Variants in CNTNAP3 observed in about 807,000 individuals in gnomAD.
The protein encoded by CNTNAP3 is contactin associated protein family member 3.
In CNTNAP3, 36 loss-of-function variants were observed where a neutral mutation model predicts 92.1. The observed-to-expected ratio is 0.39, with a 90% confidence interval of 0.30 to 0.52. The LOEUF is 0.52. Ranked by LOEUF, CNTNAP3 falls within the 20% of genes least tolerant of loss-of-function variation. The pLI, the probability that CNTNAP3 is intolerant of heterozygous loss-of-function variation, is 0.76. For missense variants in CNTNAP3, 534 were observed against 1,069.6 expected, an observed-to-expected ratio of 0.50 and a Z score of 6.98; for synonymous variants, 232 against 422.3, an observed-to-expected ratio of 0.55 and a Z score of 5.53.
intron 14 of CNTNAP3, among the ~76,000 whole-genome samples, chr9:39,112,589 C>A (rs1462786061): frequency 2.6e-5 from 4 of 152,154 alleles, no homozygotes; most frequent in African/African-American, 9.7e-5. Context: ...TGGTCTCGAA[C>A]TCCTGACTTC....
At chr9:39,150,044 A>C in intron 9 of CNTNAP3, 67 bp from the exon 10 acceptor site, 1 of 1,123,018 alleles carries the variant, frequency 8.9e-7, no homozygotes, top group Non-Finnish European at 1.3e-6. Flanking sequence ...AGTATTTACT[A>C]TATGAAGACT....
At chr9:39,091,171 C>CTTTTT (rs201329360) in intron 18 of CNTNAP3, among the ~76,000 whole-genome samples, 448 of 127,766 alleles carry the variant, frequency 3.5e-3, no homozygotes, top group African/African-American at 0.012. Flanking sequence ...TTTTCTTCTT[C>CTTTTT]TTTTTTTTTT....
chr9:39,159,077 A>G (rs1239356156), intron 9 of CNTNAP3: 1 of 146,322 alleles, frequency 6.8e-6, no homozygotes, highest in Non-Finnish European at 1.5e-5. Context: ...TGCATATACA[A>G]TTTGGGTTGT....
At chr9:39,109,741 A>C (rs1238137009) in intron 14 of CNTNAP3, among the ~76,000 whole-genome samples, 1 of 152,168 alleles carries the variant, frequency 6.6e-6, no homozygotes, top group Admixed American at 6.5e-5. Flanking sequence ...ATTTCACCCA[A>C]AGCAAGAGGT....
chr9:39,149,842 C>T lies in CNTNAP3; in HGVS notation c.1613G>A (p.Arg538Lys). Residue 538 changes from arginine to lysine, a missense_variant, in exon 10 of 24, where the codon AGG becomes AAG. Physicochemically the swap from Arg to Lys is conservative, Grantham distance 26. Coordinates refer to ENST00000297668, the MANE Select transcript of CNTNAP3 (RefSeq NM_033655.5). ...GCCGCAGGAGTCTATCTGGAGGTCC[C>T]TGAAACTCCCCAGCGCCCCCTGCTG... ...LVQQGALGSF[R>K]DLQIDSCGIT... The T allele has an allele frequency of 1.2e-6, 2 of 1,602,740 alleles. No individual in the cohort carries two copies. The highest frequency in any genetic ancestry group is 1.7e-6 in the Non-Finnish European group (2 of 1,175,202).
chr9:39,093,584 G>T (rs1826260845), intron 18 of CNTNAP3, among the ~76,000 whole-genome samples: 1 of 151,168 alleles, frequency 6.6e-6, no homozygotes, highest in African/African-American at 2.4e-5. Flanking sequence ...CTACAAATTT[G>T]TCTATTGATA....
intron 21 of CNTNAP3, among the ~76,000 whole-genome samples, chr9:39,084,120 G>T (rs1261629574): frequency 6.6e-6 from 1 of 151,866 alleles, no homozygotes; most frequent in Non-Finnish European, 1.5e-5. Flanking sequence ...GTGTAGTGAG[G>T]GTGGGTAGGT....
At chr9:39,145,886 G>A (rs1487505230) in intron 10 of CNTNAP3, among the ~76,000 whole-genome samples, 2 of 142,522 alleles carry the variant, frequency 1.4e-5, no homozygotes, top group African/African-American at 5.1e-5. Context: ...AAGAGCAGCT[G>A]TTCCTCTTCC....
chr9:39,102,647 T>TG lies in CNTNAP3; in HGVS notation c.2604dup (p.Thr869HisfsTer4). The TG allele has an allele frequency of 7.1e-7, 1 of 1,413,406 alleles. No homozygotes were observed. Among genetic ancestry groups the TG allele is most frequent in the African/African-American group, 1.4e-5 (1 of 69,660 alleles). The allele number at this position is 1,413,406 out of a possible 1,614,324, so 87.6% of individuals were successfully genotyped here. A position where few individuals can be genotyped will look rare whatever the true frequency, so the allele number is the denominator to read the frequency against. ...TGCCACTGATTGTCATTAAAGGGAG[T>TG]GGGTGACTGCACCGTGACCTCACAA... On this transcript the variant is annotated frameshift_variant, in exon 17 of 24. Coordinates refer to ENST00000297668, the MANE Select transcript of CNTNAP3 (RefSeq NM_033655.5). LOFTEE classifies it high-confidence loss of function.
chr9:39,157,520 G>C (rs1285151612), intron 9 of CNTNAP3, among the ~76,000 whole-genome samples: 1 of 113,950 alleles, frequency 8.8e-6, no homozygotes, highest in Non-Finnish European at 1.9e-5. Flanking sequence ...TTTTTTTTTT[G>C]TATTTTTAGT....
chr9:39,072,925 G>A lies in CNTNAP3; in HGVS notation c.*965C>T, dbSNP rs1011192307. 6.5e-6 allele frequency: 1 copy of A among 152,774 alleles called. No homozygotes were observed. Among genetic ancestry groups the A allele is most frequent in the Non-Finnish European group, 1.5e-5 (1 of 68,068 alleles). 9.5% of individuals were successfully genotyped at this position (152,774 alleles called of 1,614,324 possible). On this transcript the variant is annotated 3_prime_UTR_variant, in exon 24 of 24. Transcript: ENST00000297668. ...CTCAATATCTTGGGGAAGTAAGTTA[G>A]GATGATGTTTCATTCACGTCTTAAT...
chr9:39,127,359 T>C (rs2118017942), intron 13 of CNTNAP3, among the ~76,000 whole-genome samples: 1 of 152,110 alleles, frequency 6.6e-6, no homozygotes, highest in Middle Eastern at 3.4e-3. Flanking sequence ...ATAATGTAAG[T>C]TCTTACCTCT....
chr9:39,077,768 C>T (rs1240016093), intron 23 of CNTNAP3, among the ~76,000 whole-genome samples: 3 of 152,266 alleles, frequency 2.0e-5, no homozygotes, highest in Non-Finnish European at 4.4e-5. Context: ...AAATATCCCA[C>T]ATGTCCTAGG....
At chr9:39,137,256 G>A (rs1821461700) in intron 12 of CNTNAP3, among the ~76,000 whole-genome samples, 1 of 151,386 alleles carries the variant, frequency 6.6e-6, no homozygotes. Context: ...CTAAGCTTAG[G>A]GATTCTTTCC....
chr9:39,143,690 G>A (rs1821630426), intron 11 of CNTNAP3, among the ~76,000 whole-genome samples: 1 of 152,048 alleles, frequency 6.6e-6, no homozygotes, highest in African/African-American at 2.4e-5. Flanking sequence ...CACCACCAAA[G>A]AAAATCACAG....
chr9:39,093,383 AATAT>A (rs1364357054), intron 18 of CNTNAP3, among the ~76,000 whole-genome samples: 1 of 139,716 alleles, frequency 7.2e-6, no homozygotes, highest in Non-Finnish European at 1.6e-5. Context: ...AAAATATATA[AATAT>A]ATAATTTGCC....
At chr9:39,168,419 A>G (rs572071689) in intron 8 of CNTNAP3, among the ~76,000 whole-genome samples, 26 of 117,100 alleles carry the variant, frequency 2.2e-4, no homozygotes, top group Non-Finnish European at 4.2e-4. Flanking sequence ...TGGCAGGAAT[A>G]CAATTGAACT....
At chr9:39,119,748 G>A (rs1820957539) in intron 13 of CNTNAP3, among the ~76,000 whole-genome samples, 2 of 152,088 alleles carry the variant, frequency 1.3e-5, no homozygotes, top group South Asian at 4.1e-4. Flanking sequence ...AAATAATACA[G>A]AAGACAACCG....
At chr9:39,137,103 T>C (rs1049678813) in intron 12 of CNTNAP3, among the ~76,000 whole-genome samples, 1 of 151,850 alleles carries the variant, frequency 6.6e-6, no homozygotes, top group African/African-American at 2.4e-5. Context: ...TCTCCTAGAA[T>C]TCTCTTTACA....
Sources: gnomAD v4.1 joint callset for allele counts (sites outside exome capture counted in the v4.1 genomes callset) on GRCh38, gnomAD v4.1.1 for gene constraint, MANE v1.5 for transcripts, NCBI Gene and HGNC (gene_info 2026-07-23, HGNC 2026-07-21) for gene names.